Variants in TAC3 observed in about 807,000 individuals in gnomAD.
The protein encoded by TAC3 is tachykinin precursor 3.
In TAC3, 9 loss-of-function variants were observed where a neutral mutation model predicts 16.5. The observed-to-expected ratio is 0.55, with a 90% CI of 0.33 to 0.95. The LOEUF is 0.95. TAC3 is among the 40% of genes least tolerant of loss of function. The pLI, the probability that TAC3 is intolerant of heterozygous loss-of-function variation, is 0.03. For missense variants in TAC3, 129 were observed against 149.1 expected (o/e 0.87, Z 0.70); for synonymous variants, 52 against 56.7 (o/e 0.92, Z 0.37).
intron 6 of TAC3, 52 bp downstream of exon 6, chr12:57,012,326 C>T: frequency 7.9e-6 from 12 of 1,524,398 alleles, no homozygotes; most frequent in Non-Finnish European, 8.1e-6. Flanking sequence ...GCTGGCAACC[C>T]CCACAGCCCC....
At position 57,012,449 on chromosome 12, in the gene TAC3, G is replaced by C. The variant is rs774787312; in HGVS notation, c.296C>G (p.Ser99Cys). The C allele has an allele frequency of 1.2e-6, 2 of 1,614,084 alleles. No individual in the cohort carries two copies. The highest frequency in any genetic ancestry group is 8.5e-7 in the Non-Finnish European group (1 of 1,179,988). ...LMGKRSVQPDSPTDVNQENVP... is the reference protein window; with the variant it reads ...LMGKRSVQPDCPTDVNQENVP... Reference sequence around the variant, plus strand: ...GTTCTCTTGATTCACATCCGTAGGAGAGTCTAGGGTAAAGCGAACAGTGTA... The same window carrying C: ...GTTCTCTTGATTCACATCCGTAGGACAGTCTAGGGTAAAGCGAACAGTGTA... The change falls in exon 6 of 7, where the codon TCT becomes TGT. Residue 99 changes from serine (S) to cysteine (C), a missense_variant. Coordinates refer to ENST00000458521, the MANE Select transcript of TAC3 (RefSeq NM_013251.4).
At chr12:57,015,894 T>C (rs1956367176) in intron 1 of TAC3, 92 bp from the exon 2 acceptor site, 7 of 1,126,452 alleles carry the variant, frequency 6.2e-6, no homozygotes, top group African/African-American at 6.2e-5. Context: ...TACCAGCAGC[T>C]TGGCTTGACC....
intron 6 of TAC3, among the ~76,000 whole-genome samples, chr12:57,011,616 CA>C (rs1056881133): frequency 9.2e-5 from 14 of 152,178 alleles, no homozygotes; most frequent in African/African-American, 3.4e-4. Flanking sequence ...GGACAATTAT[CA>C]TAAAATTGGC....
chr12:57,010,185 T>G lies in TAC3; in HGVS notation c.*105A>C, dbSNP rs1418519087. On this transcript the variant is annotated 3_prime_UTR_variant, in exon 7 of 7. Coordinates refer to ENST00000458521, the MANE Select transcript of TAC3 (RefSeq NM_013251.4). Reference sequence around the variant, plus strand: ...AGAAGGAGTCAAAGCACAAGAATGTTACAAGAACAGGGAAGAGAAAGGGTA... The same window carrying G: ...AGAAGGAGTCAAAGCACAAGAATGTGACAAGAACAGGGAAGAGAAAGGGTA... 2.2e-6 allele frequency: 1 copy of G among 454,020 alleles called. No individual in the cohort carries two copies. Among genetic ancestry groups the G allele is most frequent in the Non-Finnish European group, 4.4e-6 (1 of 226,772 alleles). The allele number at this position is 454,020 out of a possible 1,614,324, so 28.1% of individuals were successfully genotyped here. A position where few individuals can be genotyped will look rare whatever the true frequency, so the allele number is the denominator to read the frequency against.
rs541419770 is a variant in TAC3 at position 57,010,182 on chromosome 12, T to C, written c.*108A>G. The C allele has an allele frequency of 3.9e-4, 176 of 454,054 alleles. No individual in the cohort carries two copies. The highest frequency in any genetic ancestry group is 1.6e-3 in the South Asian group (100 of 64,472). 28.1% of individuals were successfully genotyped at this position (454,054 alleles called of 1,614,324 possible). A position where few individuals can be genotyped will look rare whatever the true frequency, so the allele number is the denominator to read the frequency against. On this transcript the variant is annotated 3_prime_UTR_variant, in exon 7 of 7. Transcript: ENST00000458521. ...TGGAGAAGGAGTCAAAGCACAAGAA[T>C]GTTACAAGAACAGGGAAGAGAAAGG...
chr12:57,012,873 C>A lies in TAC3; in HGVS notation c.241G>T (p.Asp81Tyr). Residue 81 changes from aspartate to tyrosine, a missense_variant and splice_region_variant, in exon 5 of 7, where the codon GAC (aspartate) becomes TAC (tyrosine). By Grantham distance (160) the Asp-to-Tyr change is radical. Transcript: ENST00000458521. ...PKESTSPEKR[D>Y]MHDFFVGLMG... ...AGTCCCACAAAGAAGTCATGCATGT[C>A]ACCTGCAGAAAAGGGCCAACATTGT... The A allele has an allele frequency of 6.2e-7, 1 of 1,614,148 alleles. No homozygotes were observed. Among genetic ancestry groups the A allele is most frequent in the South Asian group, 1.1e-5 (1 of 91,070 alleles).
intron 2 of TAC3, among the ~76,000 whole-genome samples, chr12:57,014,570 G>A (rs1442379762): frequency 6.6e-6 from 1 of 152,144 alleles, no homozygotes; most frequent in Non-Finnish European, 1.5e-5. Flanking sequence ...TGACCAAGAG[G>A]GGCAGAGGGG....
At position 57,016,405 on chromosome 12, in the gene TAC3, C is replaced by CCGGG; in HGVS notation, c.-28_-25dup. On this transcript the variant is annotated 5_prime_UTR_variant, in exon 1 of 7. Coordinates refer to ENST00000458521, the MANE Select transcript of TAC3 (RefSeq NM_013251.4). ...TGCCTACCTGTGGAGCAGCTCTGTG[C>CCGGG]CGGGGGCTGGGTGGTCTGGCAGGAT... The CCGGG allele has an allele frequency of 2.2e-6, 1 of 452,090 alleles. No individual in the cohort carries two copies. The highest frequency in any genetic ancestry group is 4.4e-6 in the Non-Finnish European group (1 of 224,930). The allele number at this position is 452,090 out of a possible 1,614,324, so 28.0% of individuals were successfully genotyped here. A position where few individuals can be genotyped will look rare whatever the true frequency, so the allele number is the denominator to read the frequency against.
At chr12:57,015,174 C>G (rs1314948992) in intron 2 of TAC3, among the ~76,000 whole-genome samples, 4 of 152,004 alleles carry the variant, frequency 2.6e-5, no homozygotes, top group Admixed American at 1.3e-4. Flanking sequence ...CTTAGAAGCA[C>G]CTGAGGTTAC....
rs748583349 is a variant in TAC3 at position 57,015,061 on chromosome 12, C to T, written c.114+623G>A. On this transcript the variant is annotated intron_variant, in intron 2 of 6. Transcript: ENST00000458521. The stretch of plus-strand genomic sequence containing the variant: ...TTTTTCGTAAAGGAACTGTGGAAAT[C>T]GAGGCTCAATCTGGTTTTTTTGCTG... Among the ~76,000 whole-genome samples, 12 of 152,054 alleles carry T rather than the reference C, an allele frequency of 7.9e-5. 1 individual carries two copies. The highest frequency in any genetic ancestry group is 6.2e-4 in the South Asian group (3 of 4,826).
Position 57,015,876 on chromosome 12 carries a change from A to T in TAC3, c.-5-74T>A, listed in dbSNP as rs1956366821. Reference sequence around the variant, plus strand: ...TACAGCATGGGTGAAGACACAAGAGACATTCATTACCAGCAGCTTGGCTTG... The same window carrying T: ...TACAGCATGGGTGAAGACACAAGAGTCATTCATTACCAGCAGCTTGGCTTG... On this transcript the variant is annotated intron_variant, in intron 1 of 6. Transcript: ENST00000458521. 6 of 1,298,470 alleles carry T rather than the reference A, an allele frequency of 4.6e-6. No individual in the cohort carries two copies. In the South Asian group the frequency reaches 7.3e-5, roughly 16 times the overall value. 80.4% of individuals were successfully genotyped at this position (1,298,470 alleles called of 1,614,324 possible).
chr12:57,012,334 C>G, intron 6 of TAC3, 44 bp downstream of exon 6: 1 of 1,553,240 alleles, frequency 6.4e-7, no homozygotes, highest in Non-Finnish European at 8.8e-7. Flanking sequence ...CCCCCACAGC[C>G]CCCTCCCCAG....
chr12:57,011,719 A>G (rs74808980), intron 6 of TAC3, among the ~76,000 whole-genome samples: 4,868 of 152,274 alleles, frequency 0.032, 118 homozygotes, highest in Non-Finnish European at 0.05. Context: ...TATCACTTTC[A>G]TTTTTCAGAT....
intron 2 of TAC3, among the ~76,000 whole-genome samples, chr12:57,014,860 T>C (rs553677247): frequency 2.2e-4 from 33 of 152,332 alleles, no homozygotes; most frequent in African/African-American, 7.7e-4. Flanking sequence ...TATAATGAGA[T>C]GCTGAACAGA....
chr12:57,013,516 C>T, intron 3 of TAC3, 62 bp downstream of exon 3: 1 of 1,595,234 alleles, frequency 6.3e-7, no homozygotes, highest in Non-Finnish European at 8.6e-7. Context: ...AAAGGATCTC[C>T]CAGGCCTCTT....
chr12:57,012,805 C>T lies in TAC3; in HGVS notation c.292+17G>A. The stretch of plus-strand genomic sequence containing the variant: ...CAGTACCCTAAGCCCTTCCACTGTA[C>T]CTCCACACACTCCTACCTGGCTGGA... On this transcript the variant is annotated intron_variant, in intron 5 of 6. Transcript: ENST00000458521. 1.9e-6 allele frequency: 3 copies of T among 1,614,154 alleles called. No homozygotes were observed. The highest frequency in any genetic ancestry group is 2.5e-6 in the Non-Finnish European group (3 of 1,180,006).
At chr12:57,015,907 G>C in intron 1 of TAC3, 105 bp from the exon 2 acceptor site, 1 of 923,988 alleles carries the variant, frequency 1.1e-6, no homozygotes. Context: ...GCTTGACCCT[G>C]CTTCCCCAGC....
In TAC3 at chr12:57,016,482, G is replaced by A. The variant is rs779534523; in HGVS notation, c.-101C>T. On this transcript the variant is annotated 5_prime_UTR_variant, in exon 1 of 7. Coordinates refer to ENST00000458521, the MANE Select transcript of TAC3 (RefSeq NM_013251.4). ...GCTCCCCTCACACACTGGTGCTGCC[G>A]GTGCTCCTGCAAAGAGAGAAACCGA... 10 of 454,374 alleles carry A rather than the reference G, an allele frequency of 2.2e-5. No individual in the cohort carries two copies. The highest frequency in any genetic ancestry group is 8.0e-5 in the African/African-American group (4 of 49,974). The allele number at this position is 454,374 out of a possible 1,614,324, so 28.1% of individuals were successfully genotyped here.
At chr12:57,012,607 T>C (rs1349761078) in intron 5 of TAC3, 155 bp from the exon 6 acceptor site, 11 of 1,612,352 alleles carry the variant, frequency 6.8e-6, no homozygotes, top group Non-Finnish European at 7.6e-6. Context: ...TCCTCCCAGC[T>C]GCAACAGGAC....
Sources: gnomAD v4.1 joint callset for allele counts (sites outside exome capture counted in the v4.1 genomes callset) on GRCh38, gnomAD v4.1.1 for gene constraint, MANE v1.5 for transcripts, NCBI Gene and HGNC (gene_info 2026-07-23, HGNC 2026-07-21) for gene names.